AOX1: variants seen among roughly 807,000 people sequenced by gnomAD.
The protein encoded by AOX1 is aldehyde oxidase.
A neutral mutation model predicts 169.5 loss-of-function variants in AOX1; 153 were observed. The ratio of observed to expected loss-of-function variants is 0.90; its 90% CI spans 0.79 to 1.03. AOX1 has a LOEUF of 1.03. Ranked by LOEUF, AOX1 falls within the 50% of genes least tolerant of loss-of-function variation. The pLI is 0.00. For missense variants in AOX1, 1,656 were observed against 1,663.9 expected (o/e 1.00, Z 0.08); for synonymous variants, 562 against 581.9 (o/e 0.97, Z 0.49).
chr2:200,676,612 AAAAAG>A (rs1299849956), intron 4 of AOX1, among the ~76,000 whole-genome samples: 12 of 151,888 alleles, frequency 7.9e-5, no homozygotes, highest in East Asian at 1.9e-4. Context: ...AAAAAAAAAA[AAAAAG>A]AAGAAGAAGA....
downstream of AOX1, among the ~76,000 whole-genome samples, chr2:200,677,503 A>G (rs2036117471): frequency 6.6e-6 from 1 of 152,156 alleles, no homozygotes; most frequent in Admixed American, 6.5e-5. Context: ...ACACACAAAC[A>G]CATACGAATT....
chr2:200,672,760 G>A (rs2036046762), downstream of AOX1, among the ~76,000 whole-genome samples: 1 of 152,156 alleles, frequency 6.6e-6, no homozygotes, highest in African/African-American at 2.4e-5. Flanking sequence ...GCAGGTGGCA[G>A]GTTGTGGTTA....
intron 19 of AOX1, among the ~76,000 whole-genome samples, chr2:200,625,459 G>A (rs1036441207): frequency 3.9e-5 from 6 of 152,082 alleles, no homozygotes; most frequent in South Asian, 2.1e-4. Context: ...CAGCAGACTC[G>A]TGATTGTCTG....
intron 7 of AOX1, 53 bp downstream of exon 7, chr2:200,603,409 C>T: frequency 7.1e-7 from 1 of 1,415,012 alleles, no homozygotes; most frequent in East Asian, 2.3e-5. Context: ...GAACAGGAGC[C>T]AACATACTCT....
chr2:200,606,062 G>A (rs2034508076), intron 10 of AOX1, among the ~76,000 whole-genome samples: 1 of 152,146 alleles, frequency 6.6e-6, no homozygotes, highest in Non-Finnish European at 1.5e-5. Context: ...CTTTGCCCAT[G>A]CCTATGTCCT....
downstream of AOX1, among the ~76,000 whole-genome samples, chr2:200,678,003 C>T (rs2036122056): frequency 6.6e-6 from 1 of 151,974 alleles, no homozygotes; most frequent in South Asian, 2.1e-4. Context: ...CAAAGAATCT[C>T]CCAAAGATCC....
At chr2:200,594,947 T>C (rs759351551) in intron 2 of AOX1, among the ~76,000 whole-genome samples, 2 of 152,210 alleles carry the variant, frequency 1.3e-5, no homozygotes, top group Non-Finnish European at 1.5e-5. Context: ...TGAGAATAAA[T>C]GTGCAATGTG....
intron 28 of AOX1, 41 bp from the exon 29 acceptor site, chr2:200,659,954 T>G: frequency 6.0e-6 from 9 of 1,492,852 alleles, no homozygotes; most frequent in South Asian, 1.1e-5. Flanking sequence ...GGTGTTTGCA[T>G]GAAATTAGGA....
chr2:200,620,685 T>C lies in AOX1; in HGVS notation c.1740T>C (p.Ile580=). Residue 580 remains isoleucine (I), a synonymous_variant, in exon 17 of 35, where the codon ATT becomes ATC. Transcript: ENST00000374700. ...CAAAGCAGCATCCTGAAGACCCAAT[T>C]GGCCACCCCATCATGCATCTGTCTG... is the stretch of plus-strand genomic sequence containing the variant. The part of the protein sequence containing the change: ...IGPKQHPEDP[I]GHPIMHLSGV... 1 of 1,567,328 alleles carries C rather than the reference T, an allele frequency of 6.4e-7. No homozygotes were observed. The highest frequency in any genetic ancestry group is 1.3e-5 in the South Asian group (1 of 79,264).
intron 19 of AOX1, among the ~76,000 whole-genome samples, chr2:200,625,441 A>G (rs761003356): frequency 7.2e-5 from 11 of 152,024 alleles, no homozygotes; most frequent in Non-Finnish European, 1.0e-4. Flanking sequence ...CACCCTCACC[A>G]CTTCAACCAG....
chr2:200,596,451 G>T (rs1038135423), intron 3 of AOX1, among the ~76,000 whole-genome samples: 1 of 152,152 alleles, frequency 6.6e-6, no homozygotes, highest in African/African-American at 2.4e-5. Flanking sequence ...TTTGTTTAAG[G>T]ACCAGTATGC....
chr2:200,611,493 G>C lies in AOX1; in HGVS notation c.1263G>C (p.Lys421Asn). The change falls in exon 13 of 35, where the codon AAG (lysine) becomes AAC (asparagine). Residue 421 changes from lysine to asparagine, a missense_variant and splice_region_variant. Transcript: ENST00000374700. ...LVSVNIPYSRKWEFVSAFRQA... is the reference protein window; with the variant it reads ...LVSVNIPYSRNWEFVSAFRQA... ...CAGTGAACATCCCCTACTCAAGGAA[G>C]GTGAGAACATCCCACTGTCAATTTC... 3 of 1,592,010 alleles carry C rather than the reference G, an allele frequency of 1.9e-6. No individual in the cohort carries two copies. Among genetic ancestry groups the C allele is most frequent in the Non-Finnish European group, 2.6e-6 (3 of 1,159,992 alleles).
At chr2:200,659,859 C>A in intron 28 of AOX1, 136 bp from the exon 29 acceptor site, 1 of 629,000 alleles carries the variant, frequency 1.6e-6, no homozygotes, top group Non-Finnish European at 2.7e-6. Context: ...TTCATATCAC[C>A]TTCATACAGG....
intron 20 of AOX1, among the ~76,000 whole-genome samples, chr2:200,631,231 A>G (rs1268893952): frequency 1.3e-5 from 2 of 152,226 alleles, no homozygotes; most frequent in Admixed American, 6.5e-5. Context: ...CTGAGGCTAG[A>G]GAGGCTACCT....
At chr2:200,655,562 C>T (rs964323936) in intron 26 of AOX1, among the ~76,000 whole-genome samples, 1 of 152,170 alleles carries the variant, frequency 6.6e-6, no homozygotes, top group African/African-American at 2.4e-5. Context: ...GGACTGTGGA[C>T]ATATGTGCCT....
rs1369846552 is a variant in AOX1 at position 200,587,103 on chromosome 2, C to CAA, written c.45+959_45+960dup. The stretch of plus-strand genomic sequence containing the variant: ...GCAACATGGCGAAACCTTGTCTCTA[C>CAA]AAAAAAAAAACCAAACAAAACAAAA... On this transcript the variant is annotated intron_variant, in intron 1 of 34. Coordinates refer to ENST00000374700, the MANE Select transcript of AOX1 (RefSeq NM_001159.4). Among the ~76,000 whole-genome samples, 20 of 138,790 alleles carry CAA rather than the reference C, an allele frequency of 1.4e-4. No homozygotes were observed. The East Asian group carries it at 4.0e-3, about 28-fold the overall frequency. 91.1% of individuals were successfully genotyped at this position (138,790 alleles called of 152,430 possible).
intron 15 of AOX1, 147 bp from the exon 16 acceptor site, chr2:200,615,824 T>C: frequency 1.6e-6 from 1 of 611,710 alleles, no homozygotes; most frequent in Non-Finnish European, 2.9e-6. Context: ...GCTGCTTGTA[T>C]TTCTGGGGTT....
intron 12 of AOX1, among the ~76,000 whole-genome samples, chr2:200,610,174 C>T (rs1454875651): frequency 3.3e-5 from 5 of 151,744 alleles, no homozygotes; most frequent in Admixed American, 6.6e-5. Context: ...TGGGTTCAAG[C>T]GATTCTCCTG....
intron 26 of AOX1, among the ~76,000 whole-genome samples, chr2:200,656,539 A>T (rs550915329): frequency 2.6e-4 from 40 of 152,282 alleles, no homozygotes; most frequent in Middle Eastern, 3.4e-3. Context: ...ATCTCATCTT[A>T]TATGGGATTA....
Sources: allele counts gnomAD v4.1 joint callset (sites outside exome capture counted in the v4.1 genomes callset), GRCh38; gene constraint gnomAD v4.1.1; transcripts MANE v1.5; gene names NCBI Gene and HGNC (gene_info 2026-07-23, HGNC 2026-07-21).